Variants in ADAMTS2 observed in about 807,000 individuals in gnomAD.
ADAMTS2 encodes A disintegrin and metalloproteinase with thrombospondin motifs 2.
A neutral mutation model predicts 123.0 loss-of-function variants in ADAMTS2; 50 were observed. The ratio of observed to expected loss-of-function variants is 0.41; its 90% CI spans 0.32 to 0.51. ADAMTS2 has a LOEUF of 0.51. Ranked by LOEUF, ADAMTS2 falls within the 20% of genes least tolerant of loss-of-function variation. The probability of loss-of-function intolerance (pLI) is 0.35; values close to 1 mark genes in which losing one functional copy is unlikely to be tolerated. For synonymous variants in ADAMTS2, 678 were observed against 695.4 expected (o/e 0.98, Z 0.39); for missense variants, 1,494 against 1,705.2 (o/e 0.88, Z 2.18).
chr5:179,223,501 C>G (rs576831568), intron 3 of ADAMTS2, among the ~76,000 whole-genome samples: 10 of 127,934 alleles, frequency 7.8e-5, no homozygotes, highest in Admixed American at 4.1e-4. Flanking sequence ...CACTCACATG[C>G]ACACTCATAC....
chr5:179,184,451 C>T (rs1319915003), intron 4 of ADAMTS2, among the ~76,000 whole-genome samples: 7 of 143,676 alleles, frequency 4.9e-5, no homozygotes, highest in African/African-American at 1.9e-4. Flanking sequence ...GCGGAGGTTG[C>T]AGTGAGCCGA....
chr5:179,231,026 G>A (rs1349703928), intron 3 of ADAMTS2, among the ~76,000 whole-genome samples: 1 of 151,854 alleles, frequency 6.6e-6, no homozygotes, highest in Non-Finnish European at 1.5e-5. Context: ...AAAAAAGCCG[G>A]GGGGGCTACC....
chr5:179,143,522 T>C (rs1384914682), intron 10 of ADAMTS2, among the ~76,000 whole-genome samples: 1 of 151,664 alleles, frequency 6.6e-6, no homozygotes, highest in Non-Finnish European at 1.5e-5. Context: ...GGCTCAGTGG[T>C]AGATTTGAGC....
At chr5:179,250,060 T>C (rs448543) in intron 3 of ADAMTS2, among the ~76,000 whole-genome samples, 134,261 of 152,204 alleles carry the variant, frequency 0.88, 61,433 homozygotes, top group East Asian at 1. Flanking sequence ...CCATATAATA[T>C]ACTACATTCA....
At chr5:179,143,025 A>G (rs962182772) in intron 10 of ADAMTS2, among the ~76,000 whole-genome samples, 4 of 152,254 alleles carry the variant, frequency 2.6e-5, no homozygotes, top group Non-Finnish European at 4.4e-5. Context: ...CAAAGCAGCT[A>G]TAAGTAATGT....
chr5:179,132,370 A>G lies in ADAMTS2; in HGVS notation c.2210-60T>C. On this transcript the variant is annotated intron_variant, in intron 14 of 21. Coordinates refer to ENST00000251582, the MANE Select transcript of ADAMTS2 (RefSeq NM_014244.5). The surrounding 1 kb of genome is among the most constrained non-coding windows in gnomAD (Gnocchi z 6.1). The stretch of plus-strand genomic sequence containing the variant: ...AAGGGAAGGCGCCGCTCAAATTCGC[A>G]CCATGCAAGGAGGGGCCTCGCTCTT... The G allele has an allele frequency of 6.6e-7, 1 of 1,524,514 alleles. No homozygotes were observed. The highest frequency in any genetic ancestry group is 1.1e-5 in the South Asian group (1 of 88,356). The allele number at this position is 1,524,514 out of a possible 1,614,324, so 94.4% of individuals were successfully genotyped here.
chr5:179,306,002 GA>G (rs1239849632), intron 2 of ADAMTS2, among the ~76,000 whole-genome samples: 1 of 152,006 alleles, frequency 6.6e-6, no homozygotes, highest in Non-Finnish European at 1.5e-5. Flanking sequence ...CTGCAAAAAA[GA>G]AATTTCCAGG....
chr5:179,261,251 C>T (rs1347006240), intron 3 of ADAMTS2, among the ~76,000 whole-genome samples: 1 of 152,198 alleles, frequency 6.6e-6, no homozygotes, highest in African/African-American at 2.4e-5. Flanking sequence ...ATCACTCATC[C>T]TCGCCAGTAA....
chr5:179,152,850 TG>T (rs1204053616), intron 9 of ADAMTS2, among the ~76,000 whole-genome samples: 1 of 152,172 alleles, frequency 6.6e-6, no homozygotes, highest in Admixed American at 6.5e-5. Flanking sequence ...CCTCCTGCGT[TG>T]GTACTCGACT....
intron 2 of ADAMTS2, among the ~76,000 whole-genome samples, chr5:179,292,424 G>C (rs1756216003): frequency 6.6e-6 from 1 of 151,848 alleles, no homozygotes; most frequent in Non-Finnish European, 1.5e-5. Context: ...TCCTGAGCCT[G>C]AGCAGTAACG....
At position 179,114,230 on chromosome 5, in the gene ADAMTS2, C is replaced by T; in HGVS notation, c.3273G>A (p.Lys1091=). 6.2e-7 allele frequency: 1 copy of T among 1,613,852 alleles called. No individual in the cohort carries two copies. Among genetic ancestry groups the T allele is most frequent in the Non-Finnish European group, 8.5e-7 (1 of 1,179,780 alleles). The part of the protein sequence containing the change: ...SIPGYNKLCC[K]SCNLYNNLTN... The stretch of plus-strand genomic sequence containing the variant: ...TGAGGTTGTTGTACAGGTTACAGGA[C>T]TTGCAGCACAGCTTGTTGTAGCCTG... The change falls in exon 22 of 22, where the codon AAG becomes AAA. Residue 1091 remains lysine (K), a synonymous_variant. Transcript: ENST00000251582.
chr5:179,209,971 C>T (rs897307371), intron 3 of ADAMTS2, among the ~76,000 whole-genome samples: 2 of 152,202 alleles, frequency 1.3e-5, no homozygotes, highest in South Asian at 2.1e-4. Context: ...GCGGTGCCCT[C>T]GGCAAAACCA....
chr5:179,337,215 C>T (rs917891016), intron 2 of ADAMTS2, among the ~76,000 whole-genome samples: 2 of 152,026 alleles, frequency 1.3e-5, no homozygotes, highest in Non-Finnish European at 2.9e-5. Flanking sequence ...TCTAACGTGG[C>T]GCCAAGATTG....
intron 4 of ADAMTS2, 43 bp downstream of exon 4, chr5:179,207,470 G>GTCCCGGCCCC: frequency 1.5e-6 from 2 of 1,323,548 alleles, no homozygotes; most frequent in Non-Finnish European, 2.2e-6. Flanking sequence ...GCCCCTGGTT[G>GTCCCGGCCCC]ACCCTCCCCG....
chr5:179,238,321 C>T (rs1765579025), intron 3 of ADAMTS2, among the ~76,000 whole-genome samples: 1 of 152,182 alleles, frequency 6.6e-6, no homozygotes, highest in Admixed American at 6.5e-5. Flanking sequence ...GGGCCAGCTC[C>T]CCTCAGGGAC....
At chr5:179,252,219 G>A (rs1012293761) in intron 3 of ADAMTS2, among the ~76,000 whole-genome samples, 6 of 151,714 alleles carry the variant, frequency 4.0e-5, no homozygotes, top group East Asian at 1.9e-4. Context: ...CATTTTGCCC[G>A]GGCTGGTCTC....
chr5:179,272,962 G>A lies in ADAMTS2; in HGVS notation c.637C>T (p.Arg213Cys), dbSNP rs762795219. Reference sequence around the variant, plus strand: ...AGAGGAGGGGACGTGGGTGGCCGGCGATACACCACATGCACACGGCCTTGC... The same window carrying A: ...AGAGGAGGGGACGTGGGTGGCCGGCAATACACCACATGCACACGGCCTTGC... ...AEQGRVHVVYRRPPTSPPLGG... is the reference protein window; with the variant it reads ...AEQGRVHVVYCRPPTSPPLGG... The change falls in exon 3 of 22, where the codon CGC (arginine) becomes TGC (cysteine). Residue 213 changes from arginine to cysteine, a missense_variant. Transcript: ENST00000251582. The surrounding 1 kb of genome is among the most constrained non-coding windows in gnomAD (Gnocchi z 5.8). The A allele has an allele frequency of 6.8e-6, 11 of 1,612,468 alleles. No individual in the cohort carries two copies. Among genetic ancestry groups the A allele is most frequent in the African/African-American group, 5.3e-5 (4 of 74,872 alleles).
chr5:179,253,267 C>T (rs1480828816), intron 3 of ADAMTS2, among the ~76,000 whole-genome samples: 1 of 152,120 alleles, frequency 6.6e-6, no homozygotes. Context: ...TAAATCTGGG[C>T]TTGTTTCTCC....
At chr5:179,289,297 T>C (rs10039218) in intron 2 of ADAMTS2, among the ~76,000 whole-genome samples, 5,220 of 152,182 alleles carry the variant, frequency 0.034, 253 homozygotes, top group African/African-American at 0.11. Context: ...TTAGAACCCA[T>C]TGAATAAAAT....
Sources: gnomAD v4.1 joint callset for allele counts (sites outside exome capture counted in the v4.1 genomes callset) on GRCh38, gnomAD v4.1.1 for gene constraint, Gnocchi (gnomAD v3.1) non-coding constraint, MANE v1.5 for transcripts, NCBI Gene and HGNC (gene_info 2026-07-23, HGNC 2026-07-21) for gene names.